Variants in CDH18 observed in about 807,000 individuals in gnomAD.
CDH18 encodes the protein cadherin-18.
In CDH18, 31 loss-of-function variants were observed where a neutral mutation model predicts 67.9. That is an observed-to-expected ratio of 0.46 (90% CI 0.34 to 0.62). CDH18 has a LOEUF of 0.62. CDH18 is among the 20% of genes least tolerant of loss of function. The pLI is 0.01. For missense variants in CDH18, 890 were observed against 975.5 expected, an observed-to-expected ratio of 0.91 and a Z score of 1.17; for synonymous variants, 362 against 347.2, an observed-to-expected ratio of 1.04 and a Z score of -0.48.
At chr5:19,545,020 C>T (rs908027225) in intron 8 of CDH18, among the ~76,000 whole-genome samples, 9 of 151,914 alleles carry the variant, frequency 5.9e-5, no homozygotes, top group African/African-American at 1.5e-4. Context: ...TGTTATTTAG[C>T]AACAGCTGAT....
At chr5:20,541,679 C>A (rs1327976987) in intron 1 of CDH18, among the ~76,000 whole-genome samples, 2 of 152,036 alleles carry the variant, frequency 1.3e-5, no homozygotes, top group African/African-American at 4.8e-5. Context: ...ATATGTCTCT[C>A]TAAATAAAAT....
At chr5:20,491,568 T>C (rs1220938330) in intron 1 of CDH18, among the ~76,000 whole-genome samples, 3 of 152,088 alleles carry the variant, frequency 2.0e-5, no homozygotes, top group Non-Finnish European at 4.4e-5. Context: ...GGTCTGAAGG[T>C]TGTCTGGCTG....
intron 6 of CDH18, among the ~76,000 whole-genome samples, chr5:19,602,567 A>C (rs1580435894): frequency 6.6e-6 from 1 of 152,062 alleles, no homozygotes; most frequent in Non-Finnish European, 1.5e-5. Context: ...GAAGACAATG[A>C]CTAGTGTTGG....
Position 19,887,656 on chromosome 5 carries a change from C to T in CDH18, c.-256-48414G>A, listed in dbSNP as rs1264854266. ...TGATCATATTTCACTGTAGCCTTAACCCCCTGGGGTCAAGTGATCTTCTTG... is the reference window on the plus strand; with the variant it reads ...TGATCATATTTCACTGTAGCCTTAATCCCCTGGGGTCAAGTGATCTTCTTG... On this transcript the variant is annotated intron_variant, in intron 2 of 12. Coordinates refer to ENST00000382275, the MANE Select transcript of CDH18 (RefSeq NM_004934.5). 2.0e-5 allele frequency among the ~76,000 whole-genome samples: 3 copies of T among 151,772 alleles called. No homozygotes were observed. In the South Asian group the frequency reaches 6.3e-4, roughly 32 times the overall value.
intron 1 of CDH18, among the ~76,000 whole-genome samples, chr5:20,535,082 T>C (rs992390): frequency 0.053 from 8,005 of 152,126 alleles, 669 homozygotes; most frequent in African/African-American, 0.18. Context: ...GTGTTAAAAA[T>C]CATGGATTCA....
chr5:20,446,445 A>G (rs1181486032), intron 1 of CDH18, among the ~76,000 whole-genome samples: 1 of 152,184 alleles, frequency 6.6e-6, no homozygotes, highest in Non-Finnish European at 1.5e-5. Context: ...CAAAGTCTGC[A>G]GGAAAAGGCC....
In CDH18 at chr5:20,340,318, G is replaced by A. The variant is rs567773407; in HGVS notation, c.-579-84813C>T. On this transcript the variant is annotated intron_variant, in intron 1 of 14. Transcript: ENST00000507958. ...ATAACACCTTATAAAACCTCCTGAA[G>A]GTGGCCACCTCGTCTTTTACAACAG... is the stretch of plus-strand genomic sequence containing the variant. 1.4e-3 allele frequency among the ~76,000 whole-genome samples: 212 copies of A among 152,292 alleles called. 2 individuals carry two copies. Among genetic ancestry groups the A allele is most frequent in the Middle Eastern group, 6.8e-3 (2 of 294 alleles).
intron 2 of CDH18, among the ~76,000 whole-genome samples, chr5:19,967,319 T>A (rs1797552400): frequency 6.6e-6 from 1 of 152,082 alleles, no homozygotes; most frequent in Non-Finnish European, 1.5e-5. Flanking sequence ...GAAATCATGG[T>A]GATTCCAATG....
intron 1 of CDH18, among the ~76,000 whole-genome samples, chr5:20,260,664 A>G (rs2126631424): frequency 6.6e-6 from 1 of 152,282 alleles, no homozygotes; most frequent in East Asian, 1.9e-4. Context: ...ATCTAAGAAT[A>G]TGATGGGATA....
At chr5:19,924,901 G>A (rs1399132797) in intron 2 of CDH18, among the ~76,000 whole-genome samples, 3 of 152,082 alleles carry the variant, frequency 2.0e-5, no homozygotes, top group Non-Finnish European at 1.5e-5. Context: ...ATTTGACAAA[G>A]TGGCATTTAA....
intron 2 of CDH18, among the ~76,000 whole-genome samples, chr5:19,945,201 T>C (rs895910083): frequency 1.3e-5 from 2 of 152,076 alleles, no homozygotes; most frequent in Admixed American, 1.3e-4. Context: ...AGCTTCTTCC[T>C]ACATGCTCCC....
chr5:19,651,874 G>A (rs1356843716), intron 5 of CDH18, among the ~76,000 whole-genome samples: 2 of 151,986 alleles, frequency 1.3e-5, no homozygotes, highest in Admixed American at 1.3e-4. Context: ...TTAGCTCTGT[G>A]AATTTACTTA....
intron 10 of CDH18, among the ~76,000 whole-genome samples, chr5:19,506,822 A>G: frequency 1.3e-5 from 2 of 152,200 alleles, no homozygotes; most frequent in Non-Finnish European, 2.9e-5. Context: ...CCTAGGCATT[A>G]CCATTCAGGA....
chr5:20,174,283 G>C (rs1301124771), intron 2 of CDH18, among the ~76,000 whole-genome samples: 3 of 152,120 alleles, frequency 2.0e-5, no homozygotes, highest in Non-Finnish European at 4.4e-5. Flanking sequence ...CTGTAGATGA[G>C]CTTATTATAG....
At chr5:19,845,048 T>C (rs1476742643) in intron 2 of CDH18, among the ~76,000 whole-genome samples, 1 of 152,182 alleles carries the variant, frequency 6.6e-6, no homozygotes, top group Non-Finnish European at 1.5e-5. Flanking sequence ...TGCACAGTGT[T>C]AAATATTACC....
chr5:20,274,633 C>G (rs1745671662), intron 1 of CDH18, among the ~76,000 whole-genome samples: 1 of 151,778 alleles, frequency 6.6e-6, no homozygotes, highest in Admixed American at 6.6e-5. Flanking sequence ...TAAACCTGTT[C>G]TTAAAAAACA....
intron 2 of CDH18, among the ~76,000 whole-genome samples, chr5:19,965,662 G>T (rs1797356342): frequency 6.6e-6 from 1 of 152,120 alleles, no homozygotes; most frequent in Non-Finnish European, 1.5e-5. Flanking sequence ...AAACTATACA[G>T]TATGTCAACA....
At chr5:19,825,895 A>G (rs1361585716) in intron 3 of CDH18, among the ~76,000 whole-genome samples, 1 of 152,170 alleles carries the variant, frequency 6.6e-6, no homozygotes, top group Admixed American at 6.6e-5. Flanking sequence ...AATAGCTGAA[A>G]TGTCAGAAAT....
intron 1 of CDH18, among the ~76,000 whole-genome samples, chr5:20,555,283 C>T (rs375973936): frequency 2.2e-4 from 33 of 152,152 alleles, no homozygotes; most frequent in African/African-American, 4.8e-5. Flanking sequence ...AGTAAATTAA[C>T]CTTGAACTTC....
Sources: gnomAD v4.1 joint callset for allele counts (sites outside exome capture counted in the v4.1 genomes callset) on GRCh38, gnomAD v4.1.1 for gene constraint, MANE v1.5 for transcripts, NCBI Gene and HGNC (gene_info 2026-07-23, HGNC 2026-07-21) for gene names.